Variants in COLEC12 observed in about 807,000 individuals in gnomAD.
COLEC12 encodes collectin-12.
A neutral mutation model predicts 71.1 loss-of-function variants in COLEC12; 33 were observed. That is an observed-to-expected ratio of 0.46 (90% CI 0.35 to 0.62). The LOEUF (loss-of-function observed/expected upper bound fraction) is 0.62, where lower values mean the gene tolerates loss of function less well. Among genes scored for constraint, COLEC12 ranks in the 20% least tolerant of loss-of-function variants. The pLI is 0.00. For synonymous variants in COLEC12, 350 were observed against 353.0 expected (o/e 0.99, Z 0.10); for missense variants, 765 against 916.1 (o/e 0.84, Z 2.13).
intron 2 of COLEC12, among the ~76,000 whole-genome samples, chr18:371,869 C>T (rs751005433): frequency 2.0e-5 from 3 of 152,150 alleles, no homozygotes; most frequent in Non-Finnish European, 2.9e-5. Flanking sequence ...AAACAAACTG[C>T]GGTATGAAAC....
intron 2 of COLEC12, among the ~76,000 whole-genome samples, chr18:384,095 G>A (rs1915292341): frequency 6.6e-6 from 1 of 152,172 alleles, no homozygotes; most frequent in African/African-American, 2.4e-5. Context: ...GATGAGATTT[G>A]GGTGGGGACA....
intron 2 of COLEC12, among the ~76,000 whole-genome samples, chr18:422,984 A>T (rs547361760): frequency 1.1e-4 from 16 of 152,236 alleles, no homozygotes; most frequent in Non-Finnish European, 2.4e-4. Context: ...AACAATATTT[A>T]CTGGAGCTGG....
intron 2 of COLEC12, among the ~76,000 whole-genome samples, chr18:392,976 T>C (rs190959381): frequency 3.3e-4 from 50 of 152,344 alleles, no homozygotes; most frequent in Admixed American, 2.0e-3. Flanking sequence ...ACCTAATGCT[T>C]TTTAAGAGCC....
chr18:407,545 C>CA (rs1915814404), intron 2 of COLEC12, among the ~76,000 whole-genome samples: 1 of 152,224 alleles, frequency 6.6e-6, no homozygotes, highest in Admixed American at 6.5e-5. Context: ...TGAAGGCAGT[C>CA]AGGCAGGAAG....
intron 2 of COLEC12, among the ~76,000 whole-genome samples, chr18:427,630 G>A (rs901156297): frequency 2.0e-5 from 3 of 152,186 alleles, no homozygotes; most frequent in Non-Finnish European, 2.9e-5. Context: ...TTAATCCTCT[G>A]AGGAAAAAGA....
intron 3 of COLEC12, among the ~76,000 whole-genome samples, chr18:353,595 G>A (rs1161827537): frequency 6.6e-6 from 1 of 152,168 alleles, no homozygotes; most frequent in East Asian, 1.9e-4. Flanking sequence ...CCAAGTATCT[G>A]CCATGTAGGT....
At chr18:383,630 A>G (rs1915281417) in intron 2 of COLEC12, among the ~76,000 whole-genome samples, 1 of 152,142 alleles carries the variant, frequency 6.6e-6, no homozygotes, top group South Asian at 2.1e-4. Flanking sequence ...CCATTCAACA[A>G]TAGGTTGTAA....
chr18:403,914 T>C (rs978339155), intron 2 of COLEC12, among the ~76,000 whole-genome samples: 2 of 152,232 alleles, frequency 1.3e-5, no homozygotes, highest in Non-Finnish European at 2.9e-5. Context: ...GGCTTTCTTC[T>C]GCTGCTCTGG....
chr18:341,958 G>A lies in COLEC12; in HGVS notation c.1327+4337C>T, dbSNP rs369190717. On this transcript the variant is annotated intron_variant, in intron 5 of 9. Coordinates refer to ENST00000400256, the MANE Select transcript of COLEC12 (RefSeq NM_130386.3). The stretch of plus-strand genomic sequence containing the variant: ...CTTGCAGAGGAACAGCCCAGGAGGT[G>A]GAGTGATCTTTGTACCTAGAAGCAT... Among the ~76,000 whole-genome samples the A allele has an allele frequency of 1.6e-4, 25 of 152,304 alleles. No homozygotes were observed. The East Asian group carries it at 2.7e-3, about 16-fold the overall frequency.
At chr18:420,557 G>A (rs928260742) in intron 2 of COLEC12, among the ~76,000 whole-genome samples, 1 of 152,078 alleles carries the variant, frequency 6.6e-6, no homozygotes, top group East Asian at 1.9e-4. Flanking sequence ...AGCAAAGGGG[G>A]TTCTGGATTA....
At chr18:385,376 G>A (rs970818587) in intron 2 of COLEC12, among the ~76,000 whole-genome samples, 21 of 141,544 alleles carry the variant, frequency 1.5e-4, no homozygotes, top group African/African-American at 3.2e-4. Context: ...CCAGGCTGGC[G>A]TTCAGTGGTG....
At chr18:341,264 AT>A (rs1914246494) in intron 5 of COLEC12, among the ~76,000 whole-genome samples, 1 of 152,196 alleles carries the variant, frequency 6.6e-6, no homozygotes, top group African/African-American at 2.4e-5. Context: ...ACTGTCTGCC[AT>A]TTACTAGTTG....
At chr18:442,006 C>CACACAG (rs1315398706) in intron 2 of COLEC12, among the ~76,000 whole-genome samples, 3 of 23,298 alleles carry the variant, frequency 1.3e-4, no homozygotes, top group African/African-American at 8.1e-4. Context: ...TCTCTCTACA[C>CACACAG]ACACACACAC....
chr18:427,784 T>C (rs972128695), intron 2 of COLEC12, among the ~76,000 whole-genome samples: 7 of 152,162 alleles, frequency 4.6e-5, no homozygotes, highest in African/African-American at 1.4e-4. Context: ...TATCCCAGGA[T>C]GAAGGAGACC....
chr18:442,002 T>TACACACACACACACACACAC (rs56024245), intron 2 of COLEC12, among the ~76,000 whole-genome samples: 41 of 120,802 alleles, frequency 3.4e-4, no homozygotes, highest in African/African-American at 1.1e-3. Flanking sequence ...TCTCTCTCTC[T>TACACACACACACACACACAC]ACACACACAC....
chr18:403,352 T>C (rs1915725072), intron 2 of COLEC12, among the ~76,000 whole-genome samples: 1 of 152,228 alleles, frequency 6.6e-6, no homozygotes, highest in Non-Finnish European at 1.5e-5. Flanking sequence ...GCAGGTGTCA[T>C]TATAAATATA....
intron 2 of COLEC12, among the ~76,000 whole-genome samples, chr18:379,845 C>T (rs961353322): frequency 6.6e-6 from 1 of 151,948 alleles, no homozygotes; most frequent in Non-Finnish European, 1.5e-5. Context: ...TGGGACAGTG[C>T]GCAGGACGAA....
chr18:359,865 C>T (rs1033765766), intron 2 of COLEC12, among the ~76,000 whole-genome samples: 2 of 152,210 alleles, frequency 1.3e-5, no homozygotes, highest in Non-Finnish European at 2.9e-5. Flanking sequence ...AGTTTCTCTC[C>T]TTTGGTTTGT....
chr18:328,303 A>T (rs965833977), intron 8 of COLEC12, among the ~76,000 whole-genome samples: 1 of 152,204 alleles, frequency 6.6e-6, no homozygotes, highest in Admixed American at 6.5e-5. Context: ...CAAGGAGAGT[A>T]AAAGTGAGTC....
Sources: gnomAD v4.1 joint callset for allele counts (sites outside exome capture counted in the v4.1 genomes callset) on GRCh38, gnomAD v4.1.1 for gene constraint, MANE v1.5 for transcripts, NCBI Gene and HGNC (gene_info 2026-07-23, HGNC 2026-07-21) for gene names.